Variants in ATP8B4 observed in about 807,000 individuals in gnomAD.
ATP8B4 encodes the protein ATPase phospholipid transporting 8B4 (putative).
A neutral mutation model predicts 145.6 loss-of-function variants in ATP8B4; 133 were observed. That is an observed-to-expected ratio of 0.91 (90% CI 0.79 to 1.05). The LOEUF (loss-of-function observed/expected upper bound fraction) is 1.05, where lower values mean the gene tolerates loss of function less well. ATP8B4 is among the 50% of genes least tolerant of loss of function. The pLI, the probability that ATP8B4 is intolerant of heterozygous loss-of-function variation, is 0.00. For synonymous variants in ATP8B4, 507 were observed against 492.9 expected, an observed-to-expected ratio of 1.03 and a Z score of -0.38; for missense variants, 1,458 against 1,425.2, an observed-to-expected ratio of 1.02 and a Z score of -0.37.
chr15:50,077,782 G>A (rs1007672907), intron 2 of ATP8B4, among the ~76,000 whole-genome samples: 15 of 152,126 alleles, frequency 9.9e-5, no homozygotes, highest in African/African-American at 3.4e-4. Context: ...AACCAAGGGT[G>A]GGTATTCAGG....
chr15:50,032,754 A>T (rs2050544561), intron 6 of ATP8B4, among the ~76,000 whole-genome samples: 2 of 152,224 alleles, frequency 1.3e-5, no homozygotes, highest in Non-Finnish European at 2.9e-5. Flanking sequence ...GATATAAAGT[A>T]GAAGCAGAAG....
At chr15:49,908,391 G>A (rs1377577841) in intron 20 of ATP8B4, among the ~76,000 whole-genome samples, 1 of 152,134 alleles carries the variant, frequency 6.6e-6, no homozygotes, top group Non-Finnish European at 1.5e-5. Flanking sequence ...AGAAGTGACA[G>A]GAAACACCTA....
At chr15:49,890,163 C>A (rs532152908) in intron 23 of ATP8B4, among the ~76,000 whole-genome samples, 2 of 152,200 alleles carry the variant, frequency 1.3e-5, no homozygotes, top group African/African-American at 4.8e-5. Flanking sequence ...CATCAGAGCA[C>A]CTGGCCCTAA....
intron 1 of ATP8B4, among the ~76,000 whole-genome samples, chr15:50,177,694 T>C (rs1218934004): frequency 6.6e-6 from 1 of 152,190 alleles, no homozygotes; most frequent in Admixed American, 6.5e-5. Context: ...ATGGACTAAA[T>C]CAGTAGTTCT....
intron 3 of ATP8B4, among the ~76,000 whole-genome samples, chr15:50,056,859 T>C (rs1242480264): frequency 6.6e-6 from 1 of 152,074 alleles, no homozygotes; most frequent in East Asian, 1.9e-4. Context: ...GCATTGTCTA[T>C]ATGTATACAC....
intron 18 of ATP8B4, among the ~76,000 whole-genome samples, chr15:49,919,757 T>C (rs865894468): frequency 3.9e-5 from 6 of 152,282 alleles, no homozygotes; most frequent in Middle Eastern, 6.8e-3. Flanking sequence ...TACTCTCTAG[T>C]ACCTCACAGT....
chr15:50,023,709 T>C (rs1384580761), intron 6 of ATP8B4, among the ~76,000 whole-genome samples: 2 of 143,542 alleles, frequency 1.4e-5, no homozygotes, highest in African/African-American at 5.2e-5. Flanking sequence ...AAGGTGTCCC[T>C]GGTAACCTAG....
chr15:50,022,145 T>C (rs2049626491), intron 6 of ATP8B4, among the ~76,000 whole-genome samples: 3 of 104,814 alleles, frequency 2.9e-5, no homozygotes, highest in Admixed American at 2.8e-4. Context: ...TGCATATATG[T>C]ATATTTGCCA....
At chr15:50,082,867 T>C (rs2054643626) in intron 2 of ATP8B4, among the ~76,000 whole-genome samples, 1 of 152,258 alleles carries the variant, frequency 6.6e-6, no homozygotes. Context: ...TTATCAGCCC[T>C]ACTTTACAGG....
chr15:49,968,725 A>C (rs933255534), intron 13 of ATP8B4, among the ~76,000 whole-genome samples: 2 of 152,168 alleles, frequency 1.3e-5, no homozygotes, highest in African/African-American at 4.8e-5. Flanking sequence ...CGAGACAGAA[A>C]ATTAACAAGG....
chr15:50,037,494 G>A (rs570828056), intron 6 of ATP8B4, among the ~76,000 whole-genome samples: 1 of 152,302 alleles, frequency 6.6e-6, no homozygotes, highest in South Asian at 2.1e-4. Context: ...CCATCCATGG[G>A]AGAGAACACA....
Position 49,934,142 on chromosome 15 carries a change from T to C in ATP8B4, c.1328A>G (p.Asp443Gly), listed in dbSNP as rs746895063. 1 of 1,612,262 alleles carries C rather than the reference T, an allele frequency of 6.2e-7. No individual in the cohort carries two copies. The highest frequency in any genetic ancestry group is 2.2e-5 in the East Asian group (1 of 44,806). ...PVDFSVKSQA[D>G]REFQFFDHHL... The stretch of plus-strand genomic sequence containing the variant: ...GTGGTCAAAGAACTGAAATTCTCTA[T>C]CCGCTTGAGATTTGACTGAGAAATC... Residue 443 changes from aspartate (D) to glycine (G), a missense_variant, in exon 15 of 28, where the codon GAT (aspartate) becomes GGT (glycine). Transcript: ENST00000284509.
chr15:49,920,230 G>A lies in ATP8B4; in HGVS notation c.1923+16C>T. ...CTTTCCTGTAAACACAAACCATCATGCTTCTAAACTCATACCATCAAATCT... is the reference window on the plus strand; with the variant it reads ...CTTTCCTGTAAACACAAACCATCATACTTCTAAACTCATACCATCAAATCT... On this transcript the variant is annotated intron_variant, in intron 18 of 27. Coordinates refer to ENST00000284509, the MANE Select transcript of ATP8B4 (RefSeq NM_024837.4). The A allele has an allele frequency of 6.2e-7, 1 of 1,612,284 alleles. No individual in the cohort carries two copies. The highest frequency in any genetic ancestry group is 8.5e-7 in the Non-Finnish European group (1 of 1,178,846).
chr15:49,950,642 A>G (rs1294210358), intron 14 of ATP8B4, among the ~76,000 whole-genome samples: 1 of 151,218 alleles, frequency 6.6e-6, no homozygotes, highest in African/African-American at 2.4e-5. Context: ...AACAACAACA[A>G]AAAACCAGCT....
chr15:49,893,443 T>C (rs2037047449), intron 23 of ATP8B4, among the ~76,000 whole-genome samples: 1 of 152,176 alleles, frequency 6.6e-6, no homozygotes. Flanking sequence ...ATGTAGTATA[T>C]ACATACAATG....
intron 2 of ATP8B4, among the ~76,000 whole-genome samples, chr15:50,093,748 C>T (rs2055764663): frequency 6.6e-6 from 1 of 151,954 alleles, no homozygotes; most frequent in Admixed American, 6.6e-5. Context: ...CTATATGCAG[C>T]ATCTTAAATA....
intron 6 of ATP8B4, among the ~76,000 whole-genome samples, chr15:50,031,601 A>C (rs2050448773): frequency 6.6e-6 from 1 of 152,086 alleles, no homozygotes. Flanking sequence ...AAATAGAAAA[A>C]GTAAGAGAAT....
intron 2 of ATP8B4, among the ~76,000 whole-genome samples, chr15:50,105,522 A>T (rs1034284441): frequency 3.3e-5 from 5 of 152,168 alleles, no homozygotes; most frequent in Admixed American, 2.6e-4. Context: ...CTGTGATTAT[A>T]ATTCTAAGTT....
intron 1 of ATP8B4, among the ~76,000 whole-genome samples, chr15:50,158,481 GGT>G: frequency 6.6e-6 from 1 of 151,280 alleles, no homozygotes; most frequent in South Asian, 2.1e-4. Context: ...CCGGGAGGGA[GGT>G]GGGGGGGCGC....
Sources: allele counts gnomAD v4.1 joint callset (sites outside exome capture counted in the v4.1 genomes callset), GRCh38; gene constraint gnomAD v4.1.1; transcripts MANE v1.5; gene names NCBI Gene and HGNC (gene_info 2026-07-23, HGNC 2026-07-21).